Variants in ESR1 observed in about 807,000 individuals in gnomAD.
ESR1 encodes estrogen receptor.
A neutral mutation model predicts 52.7 loss-of-function variants in ESR1; 12 were observed. That is an observed-to-expected ratio of 0.23 (90% CI 0.15 to 0.37). The LOEUF (loss-of-function observed/expected upper bound fraction) is 0.37, where lower values mean the gene tolerates loss of function less well. ESR1 is among the 10% of genes least tolerant of loss of function. The pLI, the probability that ESR1 is intolerant of heterozygous loss-of-function variation, is 1.00. For missense variants in ESR1, 584 were observed against 779.7 expected, an observed-to-expected ratio of 0.75 and a Z score of 2.99; for synonymous variants, 305 against 316.8, an observed-to-expected ratio of 0.96 and a Z score of 0.39.
chr6:151,931,132 T>G (rs965967865), intron 3 of ESR1, among the ~76,000 whole-genome samples: 1 of 152,174 alleles, frequency 6.6e-6, no homozygotes, highest in African/African-American at 2.4e-5. Context: ...CTACCTCAAA[T>G]ATTTCTTCTT....
intron 2 of ESR1, among the ~76,000 whole-genome samples, chr6:151,744,713 G>T (rs1783357383): frequency 1.3e-5 from 2 of 152,070 alleles, no homozygotes; most frequent in Admixed American, 1.3e-4. Flanking sequence ...GTTTTTAGTT[G>T]TGTTGAAAAA....
chr6:151,968,830 C>T (rs1356524193), intron 4 of ESR1, among the ~76,000 whole-genome samples: 1 of 152,128 alleles, frequency 6.6e-6, no homozygotes, highest in African/African-American at 2.4e-5. Flanking sequence ...TGGACTGGAA[C>T]CATGTCAATG....
At chr6:151,953,899 C>A (rs1457959794) in intron 4 of ESR1, among the ~76,000 whole-genome samples, 6 of 148,892 alleles carry the variant, frequency 4.0e-5, no homozygotes, top group African/African-American at 1.5e-4. Context: ...TTCACAGGAA[C>A]CAGAGAGCTC....
chr6:152,026,945 A>G (rs1237748384), intron 5 of ESR1, among the ~76,000 whole-genome samples: 1 of 151,424 alleles, frequency 6.6e-6, no homozygotes, highest in African/African-American at 2.4e-5. Flanking sequence ...TAAGCTAATA[A>G]TAACTTCCAT....
At chr6:151,704,886 G>T (rs933531696) in intron 2 of ESR1, among the ~76,000 whole-genome samples, 1 of 151,620 alleles carries the variant, frequency 6.6e-6, no homozygotes, top group Non-Finnish European at 1.5e-5. Flanking sequence ...TCAAGGTCTT[G>T]GTCCCTGTAA....
At chr6:151,932,653 G>C (rs1167919305) in intron 3 of ESR1, among the ~76,000 whole-genome samples, 22 of 147,908 alleles carry the variant, frequency 1.5e-4, no homozygotes, top group African/African-American at 5.2e-4. Context: ...AAGGGATCCA[G>C]TTTCAGCTTT....
chr6:151,765,929 T>C (rs1460079498), intron 2 of ESR1, among the ~76,000 whole-genome samples: 2 of 152,240 alleles, frequency 1.3e-5, no homozygotes, highest in African/African-American at 4.8e-5. Context: ...ATCCGTGTTT[T>C]GGACATGGTG....
chr6:152,038,189 C>T (rs944691941), intron 5 of ESR1, among the ~76,000 whole-genome samples: 4 of 152,260 alleles, frequency 2.6e-5, no homozygotes, highest in Admixed American at 6.5e-5. Flanking sequence ...AGGAAGCATC[C>T]GTCATGGGAG....
intron 6 of ESR1, among the ~76,000 whole-genome samples, chr6:152,113,516 T>C (rs892452387): frequency 6.6e-6 from 1 of 152,020 alleles, no homozygotes; most frequent in Non-Finnish European, 1.5e-5. Context: ...AACATTGTGC[T>C]GAGAAGTAAC....
chr6:151,898,788 C>T (rs1260943440), intron 3 of ESR1, among the ~76,000 whole-genome samples: 1 of 152,146 alleles, frequency 6.6e-6, no homozygotes, highest in African/African-American at 2.4e-5. Flanking sequence ...AAAAGTCTCC[C>T]ACGTCTACCT....
At chr6:152,036,876 C>T (rs2045352403) in intron 5 of ESR1, among the ~76,000 whole-genome samples, 1 of 152,184 alleles carries the variant, frequency 6.6e-6, no homozygotes, top group Admixed American at 6.5e-5. Context: ...ACCCTGTTTA[C>T]CTTTGGTTCA....
intron 2 of ESR1, among the ~76,000 whole-genome samples, chr6:151,758,633 T>C (rs1345610103): frequency 1.3e-5 from 2 of 151,804 alleles, no homozygotes; most frequent in Non-Finnish European, 2.9e-5. Flanking sequence ...TGGTGGTGGG[T>C]GCCTGTAATC....
chr6:151,686,088 TA>T (rs370330836), upstream of ESR1, among the ~76,000 whole-genome samples: 72 of 143,064 alleles, frequency 5.0e-4, no homozygotes, highest in Non-Finnish European at 7.3e-4. Flanking sequence ...TTTTTTTTTT[TA>T]TTTAGAGACG....
intron 2 of ESR1, among the ~76,000 whole-genome samples, chr6:151,772,233 T>C (rs1212287730): frequency 6.6e-6 from 1 of 152,184 alleles, no homozygotes; most frequent in African/African-American, 2.4e-5. Context: ...GAGGTACCTG[T>C]AGGGGTCTCA....
chr6:151,727,800 G>A (rs1216006983), intron 2 of ESR1, among the ~76,000 whole-genome samples: 2 of 151,940 alleles, frequency 1.3e-5, no homozygotes, highest in Non-Finnish European at 2.9e-5. Flanking sequence ...GTTTTATAAG[G>A]GCCTCTTCCC....
chr6:151,745,490 C>T (rs1783415365), intron 2 of ESR1, among the ~76,000 whole-genome samples: 1 of 152,168 alleles, frequency 6.6e-6, no homozygotes, highest in Non-Finnish European at 1.5e-5. Flanking sequence ...TGGAAGACAA[C>T]AAACTTTCAT....
At chr6:151,771,323 A>G (rs942215099) in intron 2 of ESR1, among the ~76,000 whole-genome samples, 1 of 152,196 alleles carries the variant, frequency 6.6e-6, no homozygotes, top group African/African-American at 2.4e-5. Flanking sequence ...AAAATTGGGC[A>G]CTTGGAGGCA....
chr6:151,898,977 C>T (rs1300643030), intron 3 of ESR1, among the ~76,000 whole-genome samples: 91 of 143,456 alleles, frequency 6.3e-4, no homozygotes, highest in Middle Eastern at 8.8e-3. Context: ...TAGGGGCGGC[C>T]GGGCAGAGGC....
At chr6:152,085,171 T>C (rs909250939) in intron 6 of ESR1, among the ~76,000 whole-genome samples, 6 of 151,986 alleles carry the variant, frequency 3.9e-5, no homozygotes, top group Admixed American at 1.3e-4. Context: ...GGCATGGTGG[T>C]GTGTGCCTAT....
Sources: gnomAD v4.1 joint callset for allele counts (sites outside exome capture counted in the v4.1 genomes callset) on GRCh38, gnomAD v4.1.1 for gene constraint, MANE v1.5 for transcripts, NCBI Gene and HGNC (gene_info 2026-07-23, HGNC 2026-07-21) for gene names.